PRR5L: variants seen among roughly 807,000 people sequenced by gnomAD.
PRR5L encodes the protein proline-rich protein 5-like.
Under a neutral mutation model 36.4 loss-of-function variants are expected in PRR5L, and 21 were observed. The observed-to-expected ratio is 0.58, with a 90% CI of 0.41 to 0.83. PRR5L has a LOEUF of 0.83. PRR5L is among the 40% of genes least tolerant of loss of function. The probability of loss-of-function intolerance (pLI) is 0.00; values close to 1 mark genes in which losing one functional copy is unlikely to be tolerated. For synonymous variants in PRR5L, 188 were observed against 197.0 expected (o/e 0.95, Z 0.38); for missense variants, 381 against 473.3 (o/e 0.80, Z 1.81).
chr11:36,393,416 C>T (rs1024758025), intron 1 of PRR5L, among the ~76,000 whole-genome samples: 4 of 152,148 alleles, frequency 2.6e-5, no homozygotes, highest in African/African-American at 9.7e-5. Context: ...TTTCCCAGCA[C>T]CATTTATTAA....
intron 7 of PRR5L, among the ~76,000 whole-genome samples, chr11:36,450,069 C>T (rs1303045091): frequency 6.6e-6 from 1 of 152,122 alleles, no homozygotes; most frequent in African/African-American, 2.4e-5. Flanking sequence ...TCTCCCCCAG[C>T]CCCTGGCCGC....
At chr11:36,307,262 A>G (rs1486677884) in intron 1 of PRR5L, among the ~76,000 whole-genome samples, 1 of 152,182 alleles carries the variant, frequency 6.6e-6, no homozygotes, top group Admixed American at 6.6e-5. Context: ...CACTCCTCAC[A>G]ATTCCATGAC....
intron 1 of PRR5L, among the ~76,000 whole-genome samples, chr11:36,391,140 T>G (rs960282806): frequency 2.6e-5 from 4 of 152,252 alleles, no homozygotes; most frequent in African/African-American, 4.8e-5. Flanking sequence ...CTTTGACTTC[T>G]TTGTTACTTA....
At chr11:36,310,912 G>A (rs954452077) in intron 1 of PRR5L, among the ~76,000 whole-genome samples, 3 of 145,814 alleles carry the variant, frequency 2.1e-5, no homozygotes, top group Non-Finnish European at 4.5e-5. Flanking sequence ...CAAGAGAATC[G>A]CTTGAACCAG....
chr11:36,391,693 A>T (rs1309713617), intron 1 of PRR5L, among the ~76,000 whole-genome samples: 1 of 152,154 alleles, frequency 6.6e-6, no homozygotes, highest in African/African-American at 2.4e-5. Context: ...TTTAATTTTT[A>T]ATTTTTGTGG....
chr11:36,442,749 A>T (rs1243342397), intron 6 of PRR5L, among the ~76,000 whole-genome samples: 1 of 152,218 alleles, frequency 6.6e-6, no homozygotes, highest in Non-Finnish European at 1.5e-5. Context: ...AGGCATAAAA[A>T]GGGTGATTTT....
At chr11:36,441,072 G>A (rs957980065) in intron 6 of PRR5L, among the ~76,000 whole-genome samples, 1 of 152,076 alleles carries the variant, frequency 6.6e-6, no homozygotes, top group African/African-American at 2.4e-5. Flanking sequence ...CGTTTGGAGG[G>A]GACAAATATC....
At chr11:36,433,198 G>A (rs1590584818) in intron 5 of PRR5L, among the ~76,000 whole-genome samples, 1 of 152,242 alleles carries the variant, frequency 6.6e-6, no homozygotes, top group Admixed American at 6.5e-5. Context: ...TTGTGTAACA[G>A]ATCTCTAGAA....
intron 1 of PRR5L, among the ~76,000 whole-genome samples, chr11:36,314,811 G>A (rs1447875510): frequency 6.6e-6 from 1 of 152,158 alleles, no homozygotes; most frequent in African/African-American, 2.4e-5. Context: ...CCATTTAAGT[G>A]CCTGCTCTGT....
intron 1 of PRR5L, chr11:36,376,103 CA>C: frequency 2.0e-5 from 24 of 1,217,344 alleles, no homozygotes; most frequent in Non-Finnish European, 2.4e-5. Context: ...TCCTCCTCGG[CA>C]ATTTTTTTTT....
At chr11:36,451,116 T>C (rs1256299751) in intron 7 of PRR5L, 93 bp from the exon 8 acceptor site, 14 of 1,469,170 alleles carry the variant, frequency 9.5e-6, no homozygotes, top group Non-Finnish European at 1.0e-5. Flanking sequence ...GCCTTGTACA[T>C]TGGAGGAGGA....
chr11:36,402,864 A>G (rs1857826791), intron 2 of PRR5L, among the ~76,000 whole-genome samples: 1 of 152,220 alleles, frequency 6.6e-6, no homozygotes, highest in Admixed American at 6.5e-5. Context: ...GTTAAAAAGG[A>G]AAGGACTTAC....
intron 1 of PRR5L, among the ~76,000 whole-genome samples, chr11:36,322,894 GGAAGCAGAAACTCAAGT>G (rs1247285325): frequency 6.6e-6 from 1 of 152,136 alleles, no homozygotes; most frequent in Non-Finnish European, 1.5e-5. Context: ...GTGGGAGGTT[GGAAGCAGAAACTCAAGT>G]GATCATTAAG....
At chr11:36,316,043 C>T (rs1301395919) in intron 1 of PRR5L, among the ~76,000 whole-genome samples, 1 of 152,186 alleles carries the variant, frequency 6.6e-6, no homozygotes, top group South Asian at 2.1e-4. Context: ...AAATCAACCT[C>T]CTCCTGATTG....
chr11:36,364,892 C>G (rs1046211226), intron 1 of PRR5L, among the ~76,000 whole-genome samples: 20 of 152,190 alleles, frequency 1.3e-4, no homozygotes, highest in African/African-American at 4.3e-4. Flanking sequence ...TCCCTCCGTT[C>G]CTTTCTCTCT....
chr11:36,396,440 TG>T (rs1297993206), intron 1 of PRR5L, among the ~76,000 whole-genome samples: 3 of 152,250 alleles, frequency 2.0e-5, no homozygotes, highest in Admixed American at 6.5e-5. Context: ...GTGATGGGGA[TG>T]GCGGCTCAGA....
At chr11:36,383,734 C>T (rs183206978) in intron 1 of PRR5L, among the ~76,000 whole-genome samples, 5 of 136,916 alleles carry the variant, frequency 3.7e-5, no homozygotes, top group East Asian at 4.6e-4. Flanking sequence ...CTCGCTCTGT[C>T]ACCCAGGCTG....
chr11:36,349,352 A>T (rs1380159644), intron 1 of PRR5L, among the ~76,000 whole-genome samples: 2 of 33,870 alleles, frequency 5.9e-5, no homozygotes, highest in Non-Finnish European at 1.2e-4. Flanking sequence ...ATTAAAGTTA[A>T]AAAAAAATTC....
chr11:36,349,952 G>A (rs143055043), intron 1 of PRR5L: 10 of 152,166 alleles, frequency 6.6e-5, no homozygotes, highest in Admixed American at 2.0e-4. Flanking sequence ...TCTGAAACAC[G>A]AGCAACTCTC....
Sources: gnomAD v4.1 joint callset for allele counts (sites outside exome capture counted in the v4.1 genomes callset) on GRCh38, gnomAD v4.1.1 for gene constraint, MANE v1.5 for transcripts, NCBI Gene and HGNC (gene_info 2026-07-23, HGNC 2026-07-21) for gene names.